The following AFF4 variants were observed in gnomAD, a reference collection of about 807,000 sequenced individuals.
The protein encoded by AFF4 is AF4/FMR2 family member 4.
A neutral mutation model predicts 124.8 loss-of-function variants in AFF4; 13 were observed. The observed-to-expected ratio is 0.10, with a 90% CI of 0.07 to 0.17. AFF4 has a LOEUF of 0.17. Among genes scored for constraint, AFF4 ranks in the 10% least tolerant of loss-of-function variants. The pLI is 1.00. For synonymous variants in AFF4, 477 were observed against 496.1 expected, an observed-to-expected ratio of 0.96 and a Z score of 0.51; for missense variants, 1,092 against 1,403.8, an observed-to-expected ratio of 0.78 and a Z score of 3.55.
intron 16 of AFF4, 40 bp from the exon 17 acceptor site, chr5:132,887,632 C>T: frequency 6.4e-7 from 1 of 1,572,254 alleles, no homozygotes; most frequent in East Asian, 2.2e-5. Context: ...AAACAGAATA[C>T]TTCACCTTGA....
chr5:132,891,169 T>A (rs1000941205), intron 13 of AFF4, among the ~76,000 whole-genome samples: 1 of 151,930 alleles, frequency 6.6e-6, no homozygotes, highest in Non-Finnish European at 1.5e-5. Context: ...CAGGCCAATA[T>A]AAAAGTCAAG....
At chr5:132,912,764 G>T (rs985696998) in intron 5 of AFF4, among the ~76,000 whole-genome samples, 2 of 151,892 alleles carry the variant, frequency 1.3e-5, no homozygotes, top group South Asian at 4.2e-4. Context: ...ATTCTACGAC[G>T]GGAGAAATGC....
chr5:132,921,882 GCAATCCTCCCAGCTT>G (rs1761057196), intron 5 of AFF4, among the ~76,000 whole-genome samples: 1 of 151,540 alleles, frequency 6.6e-6, no homozygotes, highest in African/African-American at 2.4e-5. Context: ...CTGCAGTCAA[GCAATCCTCCCAGCTT>G]AGCATCCTGA....
chr5:132,953,015 A>G (rs896442131), intron 1 of AFF4, among the ~76,000 whole-genome samples: 2 of 152,120 alleles, frequency 1.3e-5, no homozygotes, highest in African/African-American at 4.8e-5. Flanking sequence ...CTGTTTGACA[A>G]TGCCCTTTGG....
rs1222156725 is a variant in AFF4, at chr5:132,934,729, T to C, written c.336A>G (p.Gly112=). 6.2e-7 allele frequency: 1 copy of C among 1,614,134 alleles called. No individual in the cohort carries two copies. Among genetic ancestry groups the C allele is most frequent in the East Asian group, 2.2e-5 (1 of 44,886 alleles). The change falls in exon 3 of 21, where the codon GGA becomes GGG. Residue 112 remains glycine (G), a synonymous_variant. Coordinates refer to ENST00000265343, the MANE Select transcript of AFF4 (RefSeq NM_014423.4). The part of the protein sequence containing the change: ...SHQSSKWTPV[G]PAPSTSQSQK... ...GAGACTGAGAAGTGCTGGGTGCGGG[T>C]CCTACTGGAGTCCATTTGCTACTCT...
At position 132,949,793 on chromosome 5, in the gene AFF4, C is replaced by T. The variant is rs552081967; in HGVS notation, c.-4-12600G>A. Among the ~76,000 whole-genome samples, 5 of 142,164 alleles carry T rather than the reference C, an allele frequency of 3.5e-5. No individual in the cohort carries two copies. The South Asian group carries it at 6.6e-4, about 19-fold the overall frequency. 93.3% of individuals were successfully genotyped at this position (142,164 alleles called of 152,430 possible). On this transcript the variant is annotated intron_variant, in intron 1 of 20. Transcript: ENST00000265343. ...GAGAGAATGGCGCGAACCCGGGAGG[C>T]GGAGCTAGCAGTGAGCAGAGATCGC... is the stretch of plus-strand genomic sequence containing the variant.
chr5:132,894,247 C>T (rs1252875990), intron 11 of AFF4, among the ~76,000 whole-genome samples: 1 of 152,190 alleles, frequency 6.6e-6, no homozygotes, highest in Non-Finnish European at 1.5e-5. Context: ...TCAGTAACTA[C>T]CAAACTATGT....
rs544661096 is a variant in AFF4, at chr5:132,914,329, G to A, written c.1051-9925C>T. Among the ~76,000 whole-genome samples, 14 of 152,140 alleles carry A rather than the reference G, an allele frequency of 9.2e-5. No homozygotes were observed. In the South Asian group the frequency reaches 1.7e-3, roughly 18 times the overall value. ...TGTTAAAAAGATGAGCAAGCCGGGC[G>A]CAGCGGCTCACGCCTGTAATCCCAG... On this transcript the variant is annotated intron_variant, in intron 5 of 20. Coordinates refer to ENST00000265343, the MANE Select transcript of AFF4 (RefSeq NM_014423.4).
rs1267208379 is a variant in AFF4 at position 132,877,068 on chromosome 5, G to A, written c.*3991C>T. ...ATGAAATTTATGTTCCATGTATTAG[G>A]GGATATACAGGTATGATAGGTGTCT... On this transcript the variant is annotated 3_prime_UTR_variant, in exon 21 of 21. Coordinates refer to ENST00000265343, the MANE Select transcript of AFF4 (RefSeq NM_014423.4). The A allele has an allele frequency of 4.9e-6, 1 of 202,392 alleles. No homozygotes were observed. The highest frequency in any genetic ancestry group is 1.0e-5 in the Non-Finnish European group (1 of 98,266). The allele number at this position is 202,392 out of a possible 1,614,324, so 12.5% of individuals were successfully genotyped here. A position where few individuals can be genotyped will look rare whatever the true frequency, so the allele number is the denominator to read the frequency against.
At position 132,963,573 on chromosome 5, in the gene AFF4, C is replaced by A. The variant is rs919918601; in HGVS notation, c.-319G>T. The A allele has an allele frequency of 5.0e-6, 2 of 397,824 alleles. No homozygotes were observed. The highest frequency in any genetic ancestry group is 4.1e-5 in the African/African-American group (2 of 48,592). 24.6% of individuals were successfully genotyped at this position (397,824 alleles called of 1,614,324 possible). A position where few individuals can be genotyped will look rare whatever the true frequency, so the allele number is the denominator to read the frequency against. ...TAACGAAGACCTGGCACCAGGATCCCCGCCCCGTCCGCTGGCGGCGGCGAC... is the reference window on the plus strand; with the variant it reads ...TAACGAAGACCTGGCACCAGGATCCACGCCCCGTCCGCTGGCGGCGGCGAC... On this transcript the variant is annotated 5_prime_UTR_variant, in exon 1 of 21. Coordinates refer to ENST00000265343, the MANE Select transcript of AFF4 (RefSeq NM_014423.4).
chr5:132,942,490 GT>G (rs1325187872), intron 1 of AFF4, among the ~76,000 whole-genome samples: 1 of 141,380 alleles, frequency 7.1e-6, no homozygotes, highest in Non-Finnish European at 1.5e-5. Context: ...TAAAGACAGA[GT>G]TTCGCTCTTG....
intron 4 of AFF4, among the ~76,000 whole-genome samples, chr5:132,931,632 GT>G (rs900070820): frequency 8.5e-5 from 13 of 152,212 alleles, no homozygotes; most frequent in African/African-American, 3.1e-4. Flanking sequence ...GGCAAAGTAA[GT>G]GTTAAGATTA....
At chr5:132,910,472 G>C (rs1040292961) in intron 5 of AFF4, among the ~76,000 whole-genome samples, 1 of 152,090 alleles carries the variant, frequency 6.6e-6, no homozygotes, top group African/African-American at 2.4e-5. Context: ...AAATTCCCTA[G>C]GTATAACAAC....
chr5:132,901,787 A>C (rs566025354), intron 7 of AFF4, among the ~76,000 whole-genome samples: 11 of 152,342 alleles, frequency 7.2e-5, no homozygotes, highest in Non-Finnish European at 1.6e-4. Context: ...AAACATACAC[A>C]TACAACTCTC....
Position 132,881,162 on chromosome 5 carries a change from A to G in AFF4, c.3389T>C (p.Val1130Ala). 3.1e-6 allele frequency: 5 copies of G among 1,614,140 alleles called. No homozygotes were observed. In the East Asian group the frequency reaches 1.1e-4, roughly 36 times the overall value. The change falls in exon 21 of 21, where the codon GTA becomes GCA. Residue 1130 changes from valine (V) to alanine (A), a missense_variant. Physicochemically the swap from Val to Ala is moderately conservative, Grantham distance 64 (BLOSUM62 0). Around this residue, in one of 11 missense-constraint regions of AFF4, gnomAD observed 173 missense variants for 294.9 expected, o/e 0.59. Coordinates refer to ENST00000265343, the MANE Select transcript of AFF4 (RefSeq NM_014423.4). ...QKEFFAELDK[V>A]MGPLIFNASI... ...TGCATTAAAGATGAGAGGGCCCATT[A>G]CTTTATCCAGTTCAGCAAAGAATTC...
Position 132,877,319 on chromosome 5 carries a change from T to A in AFF4, c.*3740A>T. Reference sequence around the variant, plus strand: ...GACACTACAGAAGGGCTCAAATACATTTTAAAAGTTAATTTACTACAAATC... The same window carrying A: ...GACACTACAGAAGGGCTCAAATACAATTTAAAAGTTAATTTACTACAAATC... On this transcript the variant is annotated 3_prime_UTR_variant, in exon 21 of 21. Coordinates refer to ENST00000265343, the MANE Select transcript of AFF4 (RefSeq NM_014423.4). The A allele has an allele frequency of 4.7e-6, 1 of 211,870 alleles. No individual in the cohort carries two copies. The highest frequency in any genetic ancestry group is 9.6e-6 in the Non-Finnish European group (1 of 104,430). 13.1% of individuals were successfully genotyped at this position (211,870 alleles called of 1,614,324 possible). A position where few individuals can be genotyped will look rare whatever the true frequency, so the allele number is the denominator to read the frequency against.
rs553889881 is a variant in AFF4 at position 132,950,653 on chromosome 5, A to G, written c.-5+12606T>C. The stretch of plus-strand genomic sequence containing the variant: ...GACGGTGCGAGACTCCATGTCAAAA[A>G]TAAAATAAAATAAAAATAAAAAACA... On this transcript the variant is annotated intron_variant, in intron 1 of 20. Coordinates refer to ENST00000265343, the MANE Select transcript of AFF4 (RefSeq NM_014423.4). Among the ~76,000 whole-genome samples the G allele has an allele frequency of 4.4e-4, 67 of 152,286 alleles. 1 individual carries two copies. The highest frequency in any genetic ancestry group is 1.8e-3 in the Admixed American group (28 of 15,294).
chr5:132,918,491 G>A (rs1427689165), intron 5 of AFF4, among the ~76,000 whole-genome samples: 4 of 152,028 alleles, frequency 2.6e-5, no homozygotes, highest in African/African-American at 7.2e-5. Context: ...GTAAAACCTC[G>A]TCTCTACTAA....
chr5:132,912,422 G>C (rs1760812740), intron 5 of AFF4, among the ~76,000 whole-genome samples: 1 of 152,124 alleles, frequency 6.6e-6, no homozygotes, highest in Non-Finnish European at 1.5e-5. Context: ...GTGCAGTGGA[G>C]TGATGATGGC....
Sources: allele counts gnomAD v4.1 joint callset (sites outside exome capture counted in the v4.1 genomes callset), GRCh38; gene constraint gnomAD v4.1.1; regional missense constraint gnomAD v4.1.1; transcripts MANE v1.5; gene names NCBI Gene and HGNC (gene_info 2026-07-23, HGNC 2026-07-21).